The following LONRF2 variants were observed in gnomAD, a reference collection of about 807,000 sequenced individuals.
LONRF2 encodes the protein LON peptidase N-terminal domain and ring finger 2.
LONRF2 carries 35 observed loss-of-function variants against 66.6 expected under a neutral mutation model. The observed-to-expected ratio is 0.53, with a 90% CI of 0.40 to 0.70. The LOEUF (loss-of-function observed/expected upper bound fraction) is 0.70, where lower values mean the gene tolerates loss of function less well. LONRF2 is among the 30% of genes least tolerant of loss of function. LONRF2 has a pLI of 0.00. For missense variants in LONRF2, 902 were observed against 1,002.1 expected, an observed-to-expected ratio of 0.90 and a Z score of 1.35; for synonymous variants, 417 against 418.1, an observed-to-expected ratio of 1.00 and a Z score of 0.03.
chr2:100,295,441 T>C lies in LONRF2; in HGVS notation c.1589A>G (p.Glu530Gly). The change falls in exon 8 of 12, where the codon GAA becomes GGA. Residue 530 changes from glutamate (E) to glycine (G), a missense_variant. This residue lies in a region of LONRF2 where 317 missense variants were observed against 432.2 expected (regional missense o/e 0.73). Coordinates refer to ENST00000393437, the MANE Select transcript of LONRF2 (RefSeq NM_198461.4). ...CAACATGAGCACTTACTTTGACAGT[T>C]CTGACATTTCTTCATCATAAATTCT... ...RKRIYDEEMS[E>G]LSNLTRDVPI... 1 of 1,613,746 alleles carries C rather than the reference T, an allele frequency of 6.2e-7. No individual in the cohort carries two copies. Among genetic ancestry groups the C allele is most frequent in the Non-Finnish European group, 8.5e-7 (1 of 1,179,880 alleles).
chr2:100,282,476 A>G lies in LONRF2; in HGVS notation c.*1822T>C, dbSNP rs190830714. 6.6e-6 allele frequency: 1 copy of G among 152,330 alleles called. No individual in the cohort carries two copies. The highest frequency in any genetic ancestry group is 1.5e-5 in the Non-Finnish European group (1 of 68,034). The allele number at this position is 152,330 out of a possible 1,614,324, so 9.4% of individuals were successfully genotyped here. ...GGTCAATGCATACTGATTTTCATGA[A>G]CCACTTCTGGTAAAGGTCTTCTGGC... On this transcript the variant is annotated 3_prime_UTR_variant, in exon 12 of 12. Transcript: ENST00000393437.
chr2:100,292,099 C>T (rs1438992440), intron 9 of LONRF2, among the ~76,000 whole-genome samples: 1 of 152,210 alleles, frequency 6.6e-6, no homozygotes, highest in Non-Finnish European at 1.5e-5. Context: ...GATGCCTCTA[C>T]TTATATACTT....
At chr2:100,319,425 CT>C (rs1439894739) in intron 1 of LONRF2, among the ~76,000 whole-genome samples, 1 of 152,116 alleles carries the variant, frequency 6.6e-6, no homozygotes, top group Non-Finnish European at 1.5e-5. Context: ...AGTGAACACA[CT>C]TGTGTATCCA....
intron 7 of LONRF2, among the ~76,000 whole-genome samples, chr2:100,298,481 C>A (rs571742066): frequency 3.3e-5 from 5 of 152,266 alleles, no homozygotes; most frequent in Non-Finnish European, 5.9e-5. Context: ...GTCTTCAATC[C>A]TACGAAAAAC....
rs181757792 is a variant in LONRF2 at position 100,304,862 on chromosome 2, A to T, written c.799-1819T>A. ...TGGCCAGGCTAGTCTCAAACTCCTGACCTTGTGATCCACCTGCCTTGGCCT... is the reference window on the plus strand; with the variant it reads ...TGGCCAGGCTAGTCTCAAACTCCTGTCCTTGTGATCCACCTGCCTTGGCCT... On this transcript the variant is annotated intron_variant, in intron 2 of 11. Transcript: ENST00000393437. 3.7e-3 allele frequency among the ~76,000 whole-genome samples: 523 copies of T among 142,780 alleles called. 2 individuals carry two copies. Among genetic ancestry groups the T allele is most frequent in the South Asian group, 6.5e-3 (30 of 4,584 alleles). 93.7% of individuals were successfully genotyped at this position (142,780 alleles called of 152,430 possible).
At chr2:100,298,112 A>G (rs1675109209) in intron 7 of LONRF2, among the ~76,000 whole-genome samples, 1 of 152,178 alleles carries the variant, frequency 6.6e-6, no homozygotes, top group South Asian at 2.1e-4. Flanking sequence ...CCACCCCCTT[A>G]AGATGTTATA....
At chr2:100,306,952 G>A (rs1230581273) in intron 2 of LONRF2, among the ~76,000 whole-genome samples, 9 of 136,142 alleles carry the variant, frequency 6.6e-5, no homozygotes, top group Non-Finnish European at 1.4e-4. Flanking sequence ...GTGGAGTCTC[G>A]CTCTGTTGCC....
chr2:100,322,057 G>T lies in LONRF2; in HGVS notation c.37C>A (p.Gln13Lys). The T allele has an allele frequency of 7.6e-7, 1 of 1,315,178 alleles. No individual in the cohort carries two copies. Among genetic ancestry groups the T allele is most frequent in the Non-Finnish European group, 9.7e-7 (1 of 1,033,798 alleles). The allele number at this position is 1,315,178 out of a possible 1,614,324, so 81.5% of individuals were successfully genotyped here. A position where few individuals can be genotyped will look rare whatever the true frequency, so the allele number is the denominator to read the frequency against. The stretch of plus-strand genomic sequence containing the variant: ...TCCGCGCGGTCGCAGCCAGGACACT[G>T]GGGCGGCGGCGGCGGCGGGACCGGC... ...PEPVPPPPPPQCPGCDRAEPI... is the reference protein window; with the variant it reads ...PEPVPPPPPPKCPGCDRAEPI... Residue 13 changes from glutamine (Q) to lysine (K), a missense_variant, in exon 1 of 12, where the codon CAG becomes AAG. Physicochemically the swap from Gln to Lys is moderately conservative, Grantham distance 53. Around this residue, in one of 2 missense-constraint regions of LONRF2, gnomAD observed 585 missense variants for 569.9 expected, o/e 1.03. Transcript: ENST00000393437.
Position 100,281,918 on chromosome 2 carries a change from C to T in LONRF2, c.*2380G>A, listed in dbSNP as rs1012454050. ...TTTTTAGGTTTGTAAGGGAGGCTTC[C>T]TTCATGATATGACCGTAGGATGCTG... is the stretch of plus-strand genomic sequence containing the variant. On this transcript the variant is annotated 3_prime_UTR_variant, in exon 12 of 12. Transcript: ENST00000393437. 6.6e-6 allele frequency: 1 copy of T among 151,550 alleles called. No homozygotes were observed. Among genetic ancestry groups the T allele is most frequent in the African/African-American group, 2.4e-5 (1 of 41,228 alleles). 9.4% of individuals were successfully genotyped at this position (151,550 alleles called of 1,614,324 possible). A position where few individuals can be genotyped will look rare whatever the true frequency, so the allele number is the denominator to read the frequency against.
intron 7 of LONRF2, among the ~76,000 whole-genome samples, chr2:100,296,733 T>A (rs1182499335): frequency 1.3e-5 from 2 of 152,214 alleles, no homozygotes; most frequent in Non-Finnish European, 2.9e-5. Context: ...TTCATAATTG[T>A]CATTATTAAT....
chr2:100,299,976 AAAAG>A, intron 4 of LONRF2, 58 bp from the exon 5 acceptor site: 1 of 1,066,884 alleles, frequency 9.4e-7, no homozygotes, highest in African/African-American at 1.6e-5. Context: ...GCATAAGAGA[AAAAG>A]AATGCAGAAG....
intron 9 of LONRF2, among the ~76,000 whole-genome samples, chr2:100,292,067 C>T (rs550538084): frequency 1.7e-4 from 26 of 152,298 alleles, no homozygotes; most frequent in African/African-American, 5.8e-4. Context: ...TAAAGAGCAG[C>T]GATGATTCAA....
chr2:100,284,372 G>A lies in LONRF2; in HGVS notation c.2191C>T (p.Arg731Trp), dbSNP rs761315992. The A allele has an allele frequency of 3.8e-6, 6 of 1,597,452 alleles. No individual in the cohort carries two copies. The African/African-American group carries it at 4.0e-5, about 11-fold the overall frequency. The change falls in exon 12 of 12, where the codon CGG (arginine) becomes TGG (tryptophan). Residue 731 changes from arginine to tryptophan, a missense_variant. Arg to Trp is a moderately radical substitution (Grantham distance 101, BLOSUM62 -3). Transcript: ENST00000393437. ...TTACGCGTGATGATGACTAATATCCGTCGGATGGCAAGGAGCCGCTCTTTG... is the reference window on the plus strand; with the variant it reads ...TTACGCGTGATGATGACTAATATCCATCGGATGGCAAGGAGCCGCTCTTTG... ...SLKERLLAIR[R>W]ILVIITRKMN...
intron 1 of LONRF2, among the ~76,000 whole-genome samples, chr2:100,313,675 T>C (rs1021546016): frequency 6.6e-6 from 1 of 152,128 alleles, no homozygotes; most frequent in Admixed American, 6.6e-5. Flanking sequence ...TTTGCATGTG[T>C]ACCCGTGCCA....
chr2:100,295,988 T>C (rs986484097), intron 7 of LONRF2, among the ~76,000 whole-genome samples: 2 of 152,204 alleles, frequency 1.3e-5, no homozygotes, highest in Non-Finnish European at 2.9e-5. Flanking sequence ...CTGACACCAA[T>C]CTTCCCAACA....
chr2:100,312,169 T>G (rs948382402), intron 1 of LONRF2, among the ~76,000 whole-genome samples: 1 of 152,224 alleles, frequency 6.6e-6, no homozygotes, highest in Non-Finnish European at 1.5e-5. Flanking sequence ...AGAGAATCCC[T>G]GAGGAGCATC....
chr2:100,306,994 C>T (rs10194210), intron 2 of LONRF2, among the ~76,000 whole-genome samples: 75,506 of 148,118 alleles, frequency 0.51, 19,557 homozygotes, highest in East Asian at 0.76. Context: ...TATCTCGGCT[C>T]ACTGCAACCT....
chr2:100,318,653 A>T (rs1482260338), intron 1 of LONRF2, among the ~76,000 whole-genome samples: 2 of 150,448 alleles, frequency 1.3e-5, no homozygotes, highest in Non-Finnish European at 1.5e-5. Flanking sequence ...ATAGTGAAAC[A>T]CGTCTCTACT....
At chr2:100,296,478 T>G (rs1263315510) in intron 7 of LONRF2, among the ~76,000 whole-genome samples, 2 of 152,180 alleles carry the variant, frequency 1.3e-5, no homozygotes, top group Non-Finnish European at 2.9e-5. Context: ...AGGGCTCTGC[T>G]CTTTCCTTGG....
Sources: allele counts gnomAD v4.1 joint callset (sites outside exome capture counted in the v4.1 genomes callset), GRCh38; gene constraint gnomAD v4.1.1; regional missense constraint gnomAD v4.1.1; transcripts MANE v1.5; gene names NCBI Gene and HGNC (gene_info 2026-07-23, HGNC 2026-07-21).